FLT1: variants seen among roughly 807,000 people sequenced by gnomAD.
FLT1 encodes fms related receptor tyrosine kinase 1, also known as vascular endothelial growth factor receptor 1.
In FLT1, 49 loss-of-function variants were observed where a neutral mutation model predicts 156.3. The observed-to-expected ratio is 0.31, with a 90% CI of 0.25 to 0.40. The LOEUF is 0.40. FLT1 is among the 10% of genes least tolerant of loss of function. FLT1 has a pLI of 1.00. For synonymous variants in FLT1, 594 were observed against 583.8 expected, an observed-to-expected ratio of 1.02 and a Z score of -0.25; for missense variants, 1,322 against 1,637.2, an observed-to-expected ratio of 0.81 and a Z score of 3.32.
intron 20 of FLT1, among the ~76,000 whole-genome samples, chr13:28,326,299 G>A (rs975357139): frequency 6.6e-6 from 1 of 152,160 alleles, no homozygotes; most frequent in Non-Finnish European, 1.5e-5. Flanking sequence ...ATGAGAAGTA[G>A]AGACAGGATT....
rs1389766766 is a variant in FLT1 at position 28,412,334 on chromosome 13, C to T, written c.1437-6440G>A. Among the ~76,000 whole-genome samples, 406 of 59,160 alleles carry T rather than the reference C, an allele frequency of 6.9e-3. 21 individuals carry two copies. Among genetic ancestry groups the T allele is most frequent in the African/African-American group, 0.019 (326 of 17,358 alleles). 38.8% of individuals were successfully genotyped at this position (59,160 alleles called of 152,430 possible). A position where few individuals can be genotyped will look rare whatever the true frequency, so the allele number is the denominator to read the frequency against. ...CTTTCTTTCTTTCTTTCTTTCTTTT[C>T]TTTCTTTCTTTCTTTCTCTTTCTTT... On this transcript the variant is annotated intron_variant, in intron 10 of 29. Coordinates refer to ENST00000282397, the MANE Select transcript of FLT1 (RefSeq NM_002019.4).
At chr13:28,360,818 A>G (rs541176952) in intron 14 of FLT1, among the ~76,000 whole-genome samples, 10 of 152,346 alleles carry the variant, frequency 6.6e-5, no homozygotes, top group African/African-American at 2.4e-4. Flanking sequence ...ACATTTCAAA[A>G]TAGCTAAAAG....
intron 1 of FLT1, among the ~76,000 whole-genome samples, chr13:28,469,754 A>G (rs569588136): frequency 6.6e-6 from 1 of 152,110 alleles, no homozygotes; most frequent in East Asian, 1.9e-4. Flanking sequence ...TTAAATTTTT[A>G]TTTTATTTTA....
At chr13:28,428,317 A>T (rs1000602148) in intron 8 of FLT1, among the ~76,000 whole-genome samples, 1 of 152,132 alleles carries the variant, frequency 6.6e-6, no homozygotes, top group Admixed American at 6.6e-5. Context: ...CAAGTAGATC[A>T]CTTCTCCAGA....
intron 14 of FLT1, among the ~76,000 whole-genome samples, chr13:28,370,835 G>A (rs1025811144): frequency 1.8e-4 from 27 of 152,112 alleles, no homozygotes; most frequent in Non-Finnish European, 8.8e-5. Context: ...CACAAGGTTG[G>A]ATCCATTAGT....
At position 28,438,356 on chromosome 13, in the gene FLT1, A is replaced by G. The variant is rs536774424; in HGVS notation, c.389-11T>C. Reference sequence around the variant, plus strand: ...AAGGTCTACCTGTATCTGAATGAGAAGAAAATGAAAAAAATATATACATAA... The same window carrying G: ...AAGGTCTACCTGTATCTGAATGAGAGGAAAATGAAAAAAATATATACATAA... On this transcript the variant is annotated splice_polypyrimidine_tract_variant and intron_variant, in intron 3 of 29. Coordinates refer to ENST00000282397, the MANE Select transcript of FLT1 (RefSeq NM_002019.4). 21 of 1,602,690 alleles carry G rather than the reference A, an allele frequency of 1.3e-5. No homozygotes were observed. The South Asian group carries it at 2.2e-4, about 17-fold the overall frequency.
chr13:28,341,733 A>G (rs1373636111), intron 16 of FLT1, among the ~76,000 whole-genome samples: 1 of 152,174 alleles, frequency 6.6e-6, no homozygotes, highest in African/African-American at 2.4e-5. Flanking sequence ...GCCTCCCCCA[A>G]TCCCTTTCAA....
intron 25 of FLT1, among the ~76,000 whole-genome samples, chr13:28,316,060 C>T (rs533863964): frequency 3.2e-4 from 49 of 152,346 alleles, no homozygotes; most frequent in Admixed American, 1.6e-3. Flanking sequence ...GCTCTATCCC[C>T]AGCTCTCAGA....
At chr13:28,386,723 C>A in intron 13 of FLT1, 1 of 1,055,126 alleles carries the variant, frequency 9.5e-7, no homozygotes, top group Non-Finnish European at 1.1e-6. Flanking sequence ...ACAATTTTGA[C>A]ATTTTTTACA....
chr13:28,473,837 A>T (rs544802878), intron 1 of FLT1, among the ~76,000 whole-genome samples: 5 of 121,336 alleles, frequency 4.1e-5, no homozygotes, highest in Non-Finnish European at 8.3e-5. Context: ...AAAGAAAGAA[A>T]GGAAGAAAGA....
intron 26 of FLT1, 63 bp downstream of exon 26, chr13:28,311,930 C>T (rs1000832120): frequency 2.5e-6 from 3 of 1,194,290 alleles, no homozygotes; most frequent in Non-Finnish European, 3.7e-6. Context: ...AAAAAAAAAA[C>T]AAATAAAATG....
intron 3 of FLT1, among the ~76,000 whole-genome samples, chr13:28,462,157 G>C (rs1879614446): frequency 6.6e-6 from 1 of 152,138 alleles, no homozygotes; most frequent in Admixed American, 6.5e-5. Context: ...AACACCCTAA[G>C]TTTAAGGTCT....
At chr13:28,482,682 A>C (rs571298353) in intron 1 of FLT1, among the ~76,000 whole-genome samples, 38 of 152,148 alleles carry the variant, frequency 2.5e-4, no homozygotes, top group Non-Finnish European at 4.9e-4. Flanking sequence ...AAATAACAAC[A>C]ACCAAGCAAA....
intron 12 of FLT1, among the ~76,000 whole-genome samples, chr13:28,392,081 A>C (rs1307623058): frequency 2.0e-5 from 3 of 152,052 alleles, no homozygotes; most frequent in Non-Finnish European, 4.4e-5. Flanking sequence ...TATCATATCA[A>C]CTCTTTCCTA....
intron 20 of FLT1, among the ~76,000 whole-genome samples, chr13:28,325,021 T>C (rs1871617604): frequency 6.6e-6 from 1 of 152,230 alleles, no homozygotes; most frequent in African/African-American, 2.4e-5. Flanking sequence ...TATTCCATTT[T>C]CAATTTAGCC....
chr13:28,488,224 C>T (rs1454419775), intron 1 of FLT1, among the ~76,000 whole-genome samples: 1 of 152,072 alleles, frequency 6.6e-6, no homozygotes, highest in Non-Finnish European at 1.5e-5. Flanking sequence ...ATGGCAAAAC[C>T]CTGTCTCTAC....
chr13:28,489,296 C>A (rs1881347011), intron 1 of FLT1, among the ~76,000 whole-genome samples: 1 of 152,208 alleles, frequency 6.6e-6, no homozygotes, highest in South Asian at 2.1e-4. Flanking sequence ...GAGATTGCTT[C>A]TGCGAAATGA....
At chr13:28,455,508 C>A (rs748376865) in intron 3 of FLT1, among the ~76,000 whole-genome samples, 2 of 152,106 alleles carry the variant, frequency 1.3e-5, no homozygotes, top group African/African-American at 4.8e-5. Flanking sequence ...ATCATAGAGA[C>A]CTAAATGTAA....
rs57985728 is a variant in FLT1, at chr13:28,310,700, G to A, written c.3635+890C>T. Among the ~76,000 whole-genome samples the A allele has an allele frequency of 4.3e-3, 648 of 152,258 alleles. 1 individual carries two copies. The highest frequency in any genetic ancestry group is 0.014 in the African/African-American group (601 of 41,542). On this transcript the variant is annotated intron_variant, in intron 27 of 29. Coordinates refer to ENST00000282397, the MANE Select transcript of FLT1 (RefSeq NM_002019.4). ...CTCTGCAGTAATACGGGATAGATGC[G>A]TTTGTTAGGTCAAAACAAAGCAAAA...
Sources: gnomAD v4.1 joint callset for allele counts (sites outside exome capture counted in the v4.1 genomes callset) on GRCh38, gnomAD v4.1.1 for gene constraint, MANE v1.5 for transcripts, NCBI Gene and HGNC (gene_info 2026-07-23, HGNC 2026-07-21) for gene names.